The following ARHGAP26 variants were observed in gnomAD, a reference collection of about 807,000 sequenced individuals.
ARHGAP26 encodes Rho GTPase activating protein 26, also known as rho GTPase-activating protein 26.
Under a neutral mutation model 104.8 loss-of-function variants are expected in ARHGAP26, and 38 were observed. The observed-to-expected ratio is 0.36, with a 90% CI of 0.28 to 0.48. ARHGAP26 has a LOEUF of 0.48. ARHGAP26 is among the 20% of genes least tolerant of loss of function. ARHGAP26 has a pLI of 0.99. For missense variants in ARHGAP26, 704 were observed against 947.9 expected (o/e 0.74, Z 3.38); for synonymous variants, 341 against 340.0 (o/e 1.00, Z -0.03).
chr5:143,147,335 A>C lies in ARHGAP26; in HGVS notation c.1942A>C (p.Ser648Arg). The change falls in exon 20 of 23, where the codon AGT (serine) becomes CGT (arginine). Residue 648 changes from serine to arginine, a missense_variant. Ser to Arg is a moderately radical substitution (Grantham distance 110). Transcript: ENST00000645722. ...CAGCTTACAGCCCAACATGAACTCCAGTGACCCAGACCTGGCTGTGGTCAA... is the reference window on the plus strand; with the variant it reads ...CAGCTTACAGCCCAACATGAACTCCCGTGACCCAGACCTGGCTGTGGTCAA... The part of the protein sequence containing the change: ...SSSLQPNMNS[S>R]DPDLAVVKPT... 2 of 1,614,072 alleles carry C rather than the reference A, an allele frequency of 1.2e-6. No homozygotes were observed. Among genetic ancestry groups the C allele is most frequent in the Non-Finnish European group, 1.7e-6 (2 of 1,179,974 alleles).
intron 1 of ARHGAP26, among the ~76,000 whole-genome samples, chr5:142,865,445 G>A (rs1005924154): frequency 6.6e-6 from 1 of 151,066 alleles, no homozygotes; most frequent in African/African-American, 2.4e-5. Flanking sequence ...AAGTCGTAGT[G>A]GGCCCAGAAC....
Position 143,037,280 on chromosome 5 carries a change from T to C in ARHGAP26, c.1210+19T>C, listed in dbSNP as rs778671674. 2.5e-6 allele frequency: 4 copies of C among 1,579,796 alleles called. No individual in the cohort carries two copies. Among genetic ancestry groups the C allele is most frequent in the Admixed American group, 1.7e-5 (1 of 59,302 alleles). On this transcript the variant is annotated intron_variant, in intron 13 of 22. Transcript: ENST00000645722. The stretch of plus-strand genomic sequence containing the variant: ...ACCAGAGGTAAAGTAGTTTAACAGA[T>C]GGCATTGTTCTCATAGAAGGTCACG...
chr5:142,832,623 T>C (rs1039567837), intron 1 of ARHGAP26, among the ~76,000 whole-genome samples: 2 of 152,270 alleles, frequency 1.3e-5, no homozygotes, highest in South Asian at 4.1e-4. Context: ...TAGGGAAGCG[T>C]GGCCCCCTGA....
At chr5:142,789,955 C>T (rs990173277) in intron 1 of ARHGAP26, among the ~76,000 whole-genome samples, 1 of 152,286 alleles carries the variant, frequency 6.6e-6, no homozygotes, top group Non-Finnish European at 1.5e-5. Context: ...AGAAAGGAAT[C>T]TAGAACTGGG....
intron 17 of ARHGAP26, among the ~76,000 whole-genome samples, chr5:143,076,815 A>G (rs1562378259): frequency 6.6e-6 from 1 of 152,184 alleles, no homozygotes. Context: ...GGTAAAAACT[A>G]GTTCATCTCT....
intron 20 of ARHGAP26, among the ~76,000 whole-genome samples, chr5:143,199,038 T>C (rs909762656): frequency 2.6e-5 from 4 of 152,260 alleles, no homozygotes; most frequent in Admixed American, 6.5e-5. Context: ...TAAAATGCAT[T>C]TCCCTATTAT....
intron 11 of ARHGAP26, among the ~76,000 whole-genome samples, chr5:142,972,113 C>T (rs1056418394): frequency 2.6e-5 from 4 of 151,244 alleles, no homozygotes; most frequent in Non-Finnish European, 4.4e-5. Context: ...ACCTGCGAGG[C>T]GGAGGTTGCA....
chr5:143,179,640 G>C (rs1804013390), intron 20 of ARHGAP26, among the ~76,000 whole-genome samples: 3 of 152,224 alleles, frequency 2.0e-5, no homozygotes, highest in Admixed American at 2.0e-4. Flanking sequence ...CATCTGGAAG[G>C]AGGACTCTCC....
intron 1 of ARHGAP26, among the ~76,000 whole-genome samples, chr5:142,864,024 C>CT (rs1753821611): frequency 6.6e-6 from 1 of 152,072 alleles, no homozygotes; most frequent in Non-Finnish European, 1.5e-5. Context: ...CTATCTCCCT[C>CT]TATCTCCACC....
intron 4 of ARHGAP26, among the ~76,000 whole-genome samples, chr5:142,880,472 C>T (rs1157169113): frequency 2.0e-5 from 3 of 151,460 alleles, no homozygotes; most frequent in Non-Finnish European, 2.9e-5. Context: ...GAGCCGAGAT[C>T]GCGCCACTGA....
At position 143,224,715 on chromosome 5, in the gene ARHGAP26, A is replaced by G. The variant is rs944100996; in HGVS notation, c.*2269A>G. ...AGCTTCTTAGAATGTTCAGTTCTCA[A>G]TGTGCTGCTGCTTTCCCTTCTCCTA... is the stretch of plus-strand genomic sequence containing the variant. On this transcript the variant is annotated 3_prime_UTR_variant, in exon 23 of 23. Coordinates refer to ENST00000645722, the MANE Select transcript of ARHGAP26 (RefSeq NM_001135608.3). 8 of 229,108 alleles carry G rather than the reference A, an allele frequency of 3.5e-5. No homozygotes were observed. 14.2% of individuals were successfully genotyped at this position (229,108 alleles called of 1,614,324 possible).
intron 11 of ARHGAP26, among the ~76,000 whole-genome samples, chr5:142,939,568 C>G (rs1033656531): frequency 1.3e-5 from 2 of 152,162 alleles, no homozygotes; most frequent in African/African-American, 4.8e-5. Context: ...TGTTCTGCAT[C>G]TAATATCTGA....
intron 17 of ARHGAP26, among the ~76,000 whole-genome samples, chr5:143,070,033 T>C (rs1195836721): frequency 1.3e-5 from 2 of 152,200 alleles, no homozygotes; most frequent in Non-Finnish European, 2.9e-5. Context: ...GGAGTGCCGA[T>C]GGTAGCTTCT....
chr5:142,843,592 A>G (rs1771255187), intron 1 of ARHGAP26, among the ~76,000 whole-genome samples: 1 of 152,180 alleles, frequency 6.6e-6, no homozygotes, highest in Admixed American at 6.5e-5. Flanking sequence ...TTTTTCTGCA[A>G]GGAAGCTGAG....
intron 17 of ARHGAP26, among the ~76,000 whole-genome samples, chr5:143,074,438 A>G (rs1788704226): frequency 6.6e-6 from 1 of 152,188 alleles, no homozygotes; most frequent in Non-Finnish European, 1.5e-5. Flanking sequence ...AGGGGTTGGA[A>G]CACTCCATTG....
In ARHGAP26 at chr5:142,986,732, G is replaced by GT. The variant is rs1240569098; in HGVS notation, c.1108-27344dup. On this transcript the variant is annotated intron_variant, in intron 11 of 22. Coordinates refer to ENST00000645722, the MANE Select transcript of ARHGAP26 (RefSeq NM_001135608.3). ...TCAGCTTTCTATATATGGCTAGCCA[G>GT]TTTTCCCAGCACCATTTATTAAATA... Among the ~76,000 whole-genome samples the GT allele has an allele frequency of 2.0e-5, 3 of 152,288 alleles. No individual in the cohort carries two copies. In the East Asian group the frequency reaches 5.8e-4, roughly 29 times the overall value.
At chr5:142,984,218 C>T (rs1445622421) in intron 11 of ARHGAP26, among the ~76,000 whole-genome samples, 2 of 152,152 alleles carry the variant, frequency 1.3e-5, no homozygotes, top group East Asian at 3.8e-4. Flanking sequence ...AAAGGTTTGC[C>T]AGAAATCGCC....
chr5:142,944,822 C>A (rs1006265370), intron 11 of ARHGAP26, among the ~76,000 whole-genome samples: 9 of 152,162 alleles, frequency 5.9e-5, no homozygotes, highest in African/African-American at 1.9e-4. Context: ...AGTTCTGCTT[C>A]TAAAAGCCCA....
chr5:143,149,637 C>T (rs1799573838), intron 20 of ARHGAP26, among the ~76,000 whole-genome samples: 1 of 152,146 alleles, frequency 6.6e-6, no homozygotes, highest in African/African-American at 2.4e-5. Flanking sequence ...CACAGACGTG[C>T]CACGGTAACA....
Sources: gnomAD v4.1 joint callset for allele counts (sites outside exome capture counted in the v4.1 genomes callset) on GRCh38, gnomAD v4.1.1 for gene constraint, MANE v1.5 for transcripts, NCBI Gene and HGNC (gene_info 2026-07-23, HGNC 2026-07-21) for gene names.